Variants in PCDH11X observed in about 807,000 individuals in gnomAD.
PCDH11X encodes the protein protocadherin-11 X-linked.
In PCDH11X, 18 loss-of-function variants were observed where a neutral mutation model predicts 53.3. The observed-to-expected ratio is 0.34, with a 90% CI of 0.23 to 0.50. The LOEUF is 0.50. PCDH11X is among the 20% of genes least tolerant of loss of function. The pLI is 0.98. For missense variants in PCDH11X, 570 were observed against 1,032.4 expected (o/e 0.55, Z 6.14); for synonymous variants, 279 against 393.3 (o/e 0.71, Z 3.44).
intron 6 of PCDH11X, among the ~76,000 whole-genome samples, chrX:92,163,851 C>T (rs749401947): frequency 9.0e-6 from 1 of 111,503 alleles, no homozygotes; most frequent in South Asian, 3.7e-4. Flanking sequence ...GCTAGTCCTG[C>T]CTCCTATCCA....
chrX:92,258,729 C>A (rs1162823658), intron 7 of PCDH11X, among the ~76,000 whole-genome samples: 1 of 111,189 alleles, frequency 9.0e-6, no homozygotes, highest in Non-Finnish European at 1.9e-5. Flanking sequence ...CTTTTTTTTT[C>A]TCTTCTTCCA....
chrX:92,306,420 A>G (rs1314826403), intron 8 of PCDH11X, among the ~76,000 whole-genome samples: 79 of 108,973 alleles, frequency 7.2e-4, no homozygotes, highest in Non-Finnish European at 1.4e-3. Context: ...TAGAAAAACA[A>G]TAGAGACTAT....
At chrX:92,602,576 T>A (rs1200333566) in intron 10 of PCDH11X, among the ~76,000 whole-genome samples, 34 of 105,812 alleles carry the variant, frequency 3.2e-4, no homozygotes, top group Admixed American at 3.1e-4. Flanking sequence ...GCAAGTAGTT[T>A]AGCTGAAAAA....
At chrX:91,819,549 G>A (rs1489926998) in intron 4 of PCDH11X, among the ~76,000 whole-genome samples, 5 of 109,395 alleles carry the variant, frequency 4.6e-5, no homozygotes, top group Non-Finnish European at 7.6e-5. Flanking sequence ...TGAAGTCTTT[G>A]CTGGTTGTTG....
intron 6 of PCDH11X, among the ~76,000 whole-genome samples, chrX:92,156,671 G>A (rs2065542072): frequency 8.9e-6 from 1 of 112,197 alleles, no homozygotes; most frequent in Non-Finnish European, 1.9e-5. Context: ...ATGAAGGAAT[G>A]TAACTTATAC....
chrX:92,366,270 G>A, intron 8 of PCDH11X, among the ~76,000 whole-genome samples: 1 of 111,324 alleles, frequency 9.0e-6, no homozygotes, highest in East Asian at 2.8e-4. Flanking sequence ...TGGTTTATTT[G>A]CACAGACATG....
At chrX:91,987,419 G>A (rs1182722907) in intron 6 of PCDH11X, among the ~76,000 whole-genome samples, 2 of 111,192 alleles carry the variant, frequency 1.8e-5, no homozygotes, top group Non-Finnish European at 1.9e-5. Context: ...CATTAAATTG[G>A]GTTATATTAT....
rs1411477726 is a variant in PCDH11X at position 92,567,940 on chromosome X, C to T, written c.3368-50324C>T. Among the ~76,000 whole-genome samples the T allele has an allele frequency of 1.2e-4, 13 of 109,530 alleles. No individual in the cohort carries two copies. In the Admixed American group the frequency reaches 1.3e-3, roughly 11 times the overall value. ...ATGGGATGATCCATGCGACAAACCA[C>T]CATGGCACACGTTTACATATGTAGC... On this transcript the variant is annotated intron_variant, in intron 10 of 10. Transcript: ENST00000682573.
At chrX:92,594,865 A>G (rs1438801920) in intron 10 of PCDH11X, among the ~76,000 whole-genome samples, 1 of 105,512 alleles carries the variant, frequency 9.5e-6, no homozygotes, top group Non-Finnish European at 1.9e-5. Flanking sequence ...TTTGTTTTGG[A>G]GTCCAGCAAA....
intron 6 of PCDH11X, among the ~76,000 whole-genome samples, chrX:92,192,416 C>T (rs1445713224): frequency 9.0e-6 from 1 of 110,525 alleles, no homozygotes; most frequent in Non-Finnish European, 1.9e-5. Context: ...GATCTCGGCT[C>T]ACTGCAACCT....
chrX:91,999,088 T>G (rs2062467600), intron 6 of PCDH11X, among the ~76,000 whole-genome samples: 1 of 108,543 alleles, frequency 9.2e-6, no homozygotes. Context: ...TATTTTTAAA[T>G]TTTTTTTGTA....
intron 6 of PCDH11X, among the ~76,000 whole-genome samples, chrX:92,016,940 T>G (rs574820160): frequency 9.7e-6 from 1 of 103,395 alleles, no homozygotes; most frequent in Non-Finnish European, 2.0e-5. Context: ...GAGAGACATG[T>G]GACTTTTCCT....
At chrX:92,042,126 C>T (rs973237609) in intron 6 of PCDH11X, among the ~76,000 whole-genome samples, 108 of 110,569 alleles carry the variant, frequency 9.8e-4, no homozygotes, top group African/African-American at 1.5e-3. Context: ...GATAAGAATA[C>T]GAGTGTGAAT....
intron 10 of PCDH11X, among the ~76,000 whole-genome samples, chrX:92,555,872 C>T (rs192693748): frequency 1.9e-4 from 21 of 111,597 alleles, no homozygotes; most frequent in African/African-American, 5.5e-4. Context: ...ATACCCAAAA[C>T]TGGGTAATTT....
chrX:91,833,022 C>T (rs1937166873), intron 4 of PCDH11X, among the ~76,000 whole-genome samples: 1 of 98,294 alleles, frequency 1.0e-5, no homozygotes, highest in Non-Finnish European at 2.0e-5. Flanking sequence ...CTCCAATAGG[C>T]CCCAGTGTGT....
At chrX:91,840,413 C>T (rs1254272275) in intron 5 of PCDH11X, among the ~76,000 whole-genome samples, 1 of 111,315 alleles carries the variant, frequency 9.0e-6, no homozygotes, top group Non-Finnish European at 1.9e-5. Context: ...TTGTTTCTAC[C>T]CATCCCATAA....
chrX:92,389,884 C>T (rs1453393760), intron 9 of PCDH11X, among the ~76,000 whole-genome samples: 20 of 108,363 alleles, frequency 1.8e-4, no homozygotes, highest in Non-Finnish European at 3.5e-4. Context: ...ACATTTCTCT[C>T]TTCTAATTAT....
intron 6 of PCDH11X, among the ~76,000 whole-genome samples, chrX:91,971,827 G>T (rs188477144): frequency 9.0e-6 from 1 of 110,998 alleles, no homozygotes; most frequent in African/African-American, 3.3e-5. Flanking sequence ...TTTTTATATT[G>T]CTTGATAAGC....
chrX:91,989,170 C>G (rs150635649), intron 6 of PCDH11X, among the ~76,000 whole-genome samples: 2,028 of 110,278 alleles, frequency 0.018, 45 homozygotes, highest in African/African-American at 0.064. Context: ...GAAAGTCCAT[C>G]CTTCCTGATT....
Sources: allele counts gnomAD v4.1 joint callset (sites outside exome capture counted in the v4.1 genomes callset), GRCh38; gene constraint gnomAD v4.1.1; transcripts MANE v1.5; gene names NCBI Gene and HGNC (gene_info 2026-07-23, HGNC 2026-07-21).